The following OPN5 variants were observed in gnomAD, a reference collection of about 807,000 sequenced individuals.
OPN5 encodes the protein opsin-5.
Under a neutral mutation model 41.7 loss-of-function variants are expected in OPN5, and 18 were observed. That is an observed-to-expected ratio of 0.43 (90% CI 0.30 to 0.64). The LOEUF (loss-of-function observed/expected upper bound fraction) is 0.64. Ranked by LOEUF, OPN5 falls within the 30% of genes least tolerant of loss-of-function variation. The pLI is 0.13. For missense variants in OPN5, 318 were observed against 434.5 expected, an observed-to-expected ratio of 0.73 and a Z score of 2.38; for synonymous variants, 178 against 164.3, an observed-to-expected ratio of 1.08 and a Z score of -0.64.
intron 3 of OPN5, chr6:47,793,906 T>C (rs1773460250): frequency 1.4e-5 from 5 of 370,064 alleles, no homozygotes; most frequent in Non-Finnish European, 1.9e-5. Context: ...AGCTGACTTA[T>C]ATTGTGGCTA....
intron 6 of OPN5, among the ~76,000 whole-genome samples, chr6:47,818,207 A>G (rs1282446868): frequency 1.3e-5 from 2 of 152,182 alleles, no homozygotes; most frequent in African/African-American, 2.4e-5. Flanking sequence ...TTAGAGGGGG[A>G]AAAAGCACCT....
chr6:47,797,001 C>G (rs1363385931), intron 4 of OPN5, among the ~76,000 whole-genome samples: 1 of 152,166 alleles, frequency 6.6e-6, no homozygotes, highest in South Asian at 2.1e-4. Flanking sequence ...GGGGAACTCC[C>G]TTTTATAGAA....
At chr6:47,817,007 A>G (rs957671613) in intron 6 of OPN5, among the ~76,000 whole-genome samples, 6 of 152,108 alleles carry the variant, frequency 3.9e-5, no homozygotes, top group Non-Finnish European at 8.8e-5. Flanking sequence ...TGTTTGAGAA[A>G]GTGAGAAACA....
At chr6:47,800,326 A>C (rs936800855) in intron 4 of OPN5, among the ~76,000 whole-genome samples, 1 of 152,108 alleles carries the variant, frequency 6.6e-6, no homozygotes, top group Non-Finnish European at 1.5e-5. Flanking sequence ...TTGCTATGCA[A>C]TGGGTGCTTG....
chr6:47,817,737 G>A (rs1762474004), intron 6 of OPN5, among the ~76,000 whole-genome samples: 1 of 152,212 alleles, frequency 6.6e-6, no homozygotes, highest in African/African-American at 2.4e-5. Flanking sequence ...AGTCAGAGGT[G>A]TCCTGAGAAA....
intron 6 of OPN5, among the ~76,000 whole-genome samples, chr6:47,819,007 A>G (rs1762513649): frequency 6.6e-6 from 1 of 152,088 alleles, no homozygotes; most frequent in African/African-American, 2.4e-5. Flanking sequence ...ACAGACATTT[A>G]TAAGATCTAA....
chr6:47,798,362 A>G (rs909597970), intron 4 of OPN5, among the ~76,000 whole-genome samples: 1 of 151,764 alleles, frequency 6.6e-6, no homozygotes, highest in Non-Finnish European at 1.5e-5. Context: ...TTTGAAGGTC[A>G]TTATACATAT....
At chr6:47,799,053 A>C (rs1773671507) in intron 4 of OPN5, among the ~76,000 whole-genome samples, 1 of 151,998 alleles carries the variant, frequency 6.6e-6, no homozygotes, top group Non-Finnish European at 1.5e-5. Flanking sequence ...TGCCGGTCTG[A>C]TCTCGTGAAG....
chr6:47,804,242 T>C (rs1034524443), intron 4 of OPN5, among the ~76,000 whole-genome samples: 1 of 151,852 alleles, frequency 6.6e-6, no homozygotes, highest in Admixed American at 6.6e-5. Context: ...ACAAAAATTG[T>C]CTAATTTAGG....
chr6:47,789,315 A>G (rs562512745), intron 2 of OPN5, among the ~76,000 whole-genome samples: 4 of 152,186 alleles, frequency 2.6e-5, no homozygotes, highest in African/African-American at 9.6e-5. Context: ...AACAGTTTCC[A>G]TCTACCTGCT....
intron 5 of OPN5, among the ~76,000 whole-genome samples, chr6:47,810,051 G>A (rs2113990034): frequency 6.6e-6 from 1 of 152,304 alleles, no homozygotes; most frequent in Middle Eastern, 3.4e-3. Context: ...AAATTTATGT[G>A]GGAGAAAGTG....
At chr6:47,820,640 G>T (rs1762594405) in intron 6 of OPN5, among the ~76,000 whole-genome samples, 1 of 152,150 alleles carries the variant, frequency 6.6e-6, no homozygotes. Flanking sequence ...ATGGGGGTGT[G>T]ATAGCATCTG....
At chr6:47,795,623 A>G (rs1773531213) in intron 4 of OPN5, 60 bp downstream of exon 4, 1 of 1,189,130 alleles carries the variant, frequency 8.4e-7, no homozygotes, top group South Asian at 1.3e-5. Context: ...CATAGGGTAC[A>G]AAGGATAGGG....
chr6:47,816,211 G>A (rs1762426116), intron 6 of OPN5, among the ~76,000 whole-genome samples: 1 of 152,136 alleles, frequency 6.6e-6, no homozygotes, highest in South Asian at 2.1e-4. Flanking sequence ...AGATGGGGAG[G>A]ATGTGTTTTT....
chr6:47,812,889 AC>A (rs1762295964), intron 6 of OPN5, among the ~76,000 whole-genome samples: 1 of 152,058 alleles, frequency 6.6e-6, no homozygotes, highest in Admixed American at 6.6e-5. Flanking sequence ...CACTCCTTCC[AC>A]TTGAAGGTTT....
chr6:47,815,927 T>G (rs1762415697), intron 6 of OPN5, among the ~76,000 whole-genome samples: 1 of 152,272 alleles, frequency 6.6e-6, no homozygotes, highest in Non-Finnish European at 1.5e-5. Context: ...GAAACTGCTT[T>G]TCTCAATTAC....
intron 3 of OPN5, among the ~76,000 whole-genome samples, chr6:47,792,914 A>C (rs1286206893): frequency 6.6e-6 from 1 of 151,574 alleles, no homozygotes; most frequent in Non-Finnish European, 1.5e-5. Context: ...CCAAACTCCA[A>C]AGAATCCATG....
chr6:47,819,350 TATAAAAAATATATTACCGTATAAGTAGAA>T (rs1561907252), intron 6 of OPN5, among the ~76,000 whole-genome samples: 20 of 98,448 alleles, frequency 2.0e-4, no homozygotes, highest in Non-Finnish European at 3.0e-4. Context: ...TATATATATA[TATAAAAAATATATTACCGTATAAGTAGAA>T]ATATATATAT....
intron 4 of OPN5, among the ~76,000 whole-genome samples, chr6:47,800,444 A>C (rs994589651): frequency 6.6e-6 from 1 of 152,200 alleles, no homozygotes; most frequent in Non-Finnish European, 1.5e-5. Context: ...AGGTGGAGCT[A>C]TGAGTGTCAG....
Sources: allele counts gnomAD v4.1 joint callset (sites outside exome capture counted in the v4.1 genomes callset), GRCh38; gene constraint gnomAD v4.1.1; transcripts MANE v1.5; gene names NCBI Gene and HGNC (gene_info 2026-07-23, HGNC 2026-07-21).